Variants in MYZAP observed in about 807,000 individuals in gnomAD.
The protein encoded by MYZAP is myocardial zonula adherens protein, also known as GRINL1A complex locus upstream.
A neutral mutation model predicts 69.4 loss-of-function variants in MYZAP; 66 were observed. That is an observed-to-expected ratio of 0.95 (90% CI 0.78 to 1.17). The LOEUF (loss-of-function observed/expected upper bound fraction) is 1.17, where lower values mean the gene tolerates loss of function less well. Ranked by LOEUF, MYZAP falls within the 50% of genes most tolerant of loss-of-function variation. The pLI is 0.00. For synonymous variants in MYZAP, 256 were observed against 205.9 expected, an observed-to-expected ratio of 1.24 and a Z score of -2.09; for missense variants, 611 against 556.2, an observed-to-expected ratio of 1.10 and a Z score of -0.99.
intron 10 of MYZAP, among the ~76,000 whole-genome samples, chr15:57,651,654 T>A (rs2037732938): frequency 6.6e-6 from 1 of 152,174 alleles, no homozygotes; most frequent in Non-Finnish European, 1.5e-5. Flanking sequence ...CAGATGATTG[T>A]GAAGGGAGTG....
intron 10 of MYZAP, among the ~76,000 whole-genome samples, chr15:57,659,627 T>C (rs1352973633): frequency 2.0e-5 from 3 of 152,212 alleles, no homozygotes; most frequent in African/African-American, 7.2e-5. Context: ...TCTATTTATC[T>C]TTAATAATCC....
chr15:57,652,347 T>C (rs1221512741), intron 10 of MYZAP, among the ~76,000 whole-genome samples: 1 of 152,242 alleles, frequency 6.6e-6, no homozygotes. Flanking sequence ...GGGCAGATTC[T>C]GATCTTGTCA....
intron 11 of MYZAP, among the ~76,000 whole-genome samples, chr15:57,672,442 A>G (rs2038910294): frequency 6.6e-6 from 1 of 152,210 alleles, no homozygotes; most frequent in South Asian, 2.1e-4. Flanking sequence ...TAGAGATCTC[A>G]TTAGTTGTTT....
chr15:57,599,366 TTG>T, intron 1 of MYZAP: 2 of 846,272 alleles, frequency 2.4e-6, no homozygotes, highest in Non-Finnish European at 2.9e-6. Flanking sequence ...TTTTTTTTTT[TTG>T]CCATCGTCGT....
At chr15:57,594,666 A>T (rs1452158627) in intron 1 of MYZAP, among the ~76,000 whole-genome samples, 1 of 152,124 alleles carries the variant, frequency 6.6e-6, no homozygotes, top group Non-Finnish European at 1.5e-5. Context: ...GCACTCTATG[A>T]TGATTACGCA....
rs565433576 is a variant in MYZAP, at chr15:57,673,779, T to C, written c.1204-1189T>C. ...GAATGTTTAACCCACATCCTTTCTTTCAAAACAAATGAGCTTCTGTCTCCA... is the reference window on the plus strand; with the variant it reads ...GAATGTTTAACCCACATCCTTTCTTCCAAAACAAATGAGCTTCTGTCTCCA... On this transcript the variant is annotated intron_variant, in intron 11 of 12. Coordinates refer to ENST00000267853, the MANE Select transcript of MYZAP (RefSeq NM_001018100.5). Among the ~76,000 whole-genome samples, 3 of 152,284 alleles carry C rather than the reference T, an allele frequency of 2.0e-5. No homozygotes were observed. The South Asian group carries it at 6.2e-4, about 32-fold the overall frequency.
At chr15:57,677,889 A>G (rs2039219347) in intron 12 of MYZAP, among the ~76,000 whole-genome samples, 1 of 152,154 alleles carries the variant, frequency 6.6e-6, no homozygotes, top group Admixed American at 6.5e-5. Context: ...TGCTTTGAAG[A>G]TTAAATAAAA....
At chr15:57,620,697 G>T (rs1000606185) in intron 3 of MYZAP, among the ~76,000 whole-genome samples, 6 of 152,184 alleles carry the variant, frequency 3.9e-5, no homozygotes, top group Non-Finnish European at 8.8e-5. Context: ...GGGCTCCCCA[G>T]GGTTCATATT....
chr15:57,622,065 A>G (rs1165935827), intron 4 of MYZAP, among the ~76,000 whole-genome samples: 2 of 152,226 alleles, frequency 1.3e-5, no homozygotes, highest in Non-Finnish European at 2.9e-5. Context: ...TACAAACTAT[A>G]TGATTGTATA....
intron 12 of MYZAP, among the ~76,000 whole-genome samples, chr15:57,675,448 G>C (rs1407284969): frequency 6.6e-6 from 1 of 152,156 alleles, no homozygotes; most frequent in East Asian, 1.9e-4. Context: ...TGGAGGGAGA[G>C]ACAGGTATGT....
chr15:57,627,437 G>A (rs895221714), intron 5 of MYZAP, among the ~76,000 whole-genome samples: 14 of 151,094 alleles, frequency 9.3e-5, no homozygotes, highest in Non-Finnish European at 1.5e-4. Context: ...GGAGGAGAAG[G>A]AGAAGGAGAA....
At chr15:57,639,695 C>G in intron 10 of MYZAP, 150 bp downstream of exon 10, 2 of 822,830 alleles carry the variant, frequency 2.4e-6, no homozygotes, top group Non-Finnish European at 3.8e-6. Flanking sequence ...TGGGATTTCC[C>G]CACATGTCCC....
At chr15:57,599,523 A>G (rs2034279040) in intron 1 of MYZAP, 1 of 1,234,704 alleles carries the variant, frequency 8.1e-7, no homozygotes, top group African/African-American at 1.5e-5. Flanking sequence ...AGTGGTGTTC[A>G]GGGTAGGATG....
At chr15:57,629,970 G>GGTTTTTTTTTTT (rs1567216271) in intron 6 of MYZAP, 116 bp downstream of exon 6, 2 of 859,470 alleles carry the variant, frequency 2.3e-6, no homozygotes, top group Admixed American at 4.1e-5. Flanking sequence ...TTCTTCATTG[G>GGTTTTTTTTTTT]ATTTTTTTTT....
intron 2 of MYZAP, among the ~76,000 whole-genome samples, chr15:57,609,231 T>G (rs966394460): frequency 2.4e-4 from 37 of 152,200 alleles, no homozygotes; most frequent in African/African-American, 8.7e-4. Flanking sequence ...TTGATTATGA[T>G]GATTGAGTTT....
chr15:57,637,610 C>A, intron 8 of MYZAP, 85 bp from the exon 9 acceptor site: 3 of 1,459,292 alleles, frequency 2.1e-6, no homozygotes, highest in Non-Finnish European at 2.8e-6. Context: ...TAGACTTGGA[C>A]TCCCTAGTGC....
chr15:57,629,620 A>G, intron 5 of MYZAP, 82 bp from the exon 6 acceptor site: 2 of 1,526,486 alleles, frequency 1.3e-6, no homozygotes, highest in South Asian at 2.6e-5. Context: ...GCTTAATGAT[A>G]AGGGGATGCC....
chr15:57,661,608 C>A, intron 11 of MYZAP, 75 bp downstream of exon 11: 2 of 1,284,166 alleles, frequency 1.6e-6, no homozygotes, highest in East Asian at 2.5e-5. Context: ...ACCACCGACA[C>A]TTAATTAAAA....
intron 1 of MYZAP, among the ~76,000 whole-genome samples, chr15:57,597,751 C>T (rs1383245612): frequency 7.2e-5 from 11 of 152,156 alleles, no homozygotes; most frequent in South Asian, 2.1e-4. Flanking sequence ...AGAAAAAGTT[C>T]GCCCCACCCT....
Sources: allele counts gnomAD v4.1 joint callset (sites outside exome capture counted in the v4.1 genomes callset), GRCh38; gene constraint gnomAD v4.1.1; transcripts MANE v1.5; gene names NCBI Gene and HGNC (gene_info 2026-07-23, HGNC 2026-07-21).